Variants in ZNF804B observed in about 807,000 individuals in gnomAD.
ZNF804B encodes zinc finger protein 804B, also known as zinc finger 804B.
In ZNF804B, 80 loss-of-function variants were observed where a neutral mutation model predicts 101.4. The observed-to-expected ratio is 0.79, with a 90% CI of 0.66 to 0.95. The LOEUF is 0.95. Among genes scored for constraint, ZNF804B ranks in the 40% least tolerant of loss-of-function variants. The pLI is 0.00. For synonymous variants in ZNF804B, 622 were observed against 558.8 expected, an observed-to-expected ratio of 1.11 and a Z score of -1.59; for missense variants, 1,673 against 1,561.9, an observed-to-expected ratio of 1.07 and a Z score of -1.20.
chr7:89,095,298 C>T (rs974721900), intron 1 of ZNF804B, among the ~76,000 whole-genome samples: 7 of 152,142 alleles, frequency 4.6e-5, no homozygotes, highest in Admixed American at 1.3e-4. Context: ...AGAGAGCAGC[C>T]CTTGCCAGAC....
intron 1 of ZNF804B, among the ~76,000 whole-genome samples, chr7:88,935,512 C>T (rs1350410957): frequency 1.3e-5 from 2 of 151,536 alleles, no homozygotes; most frequent in East Asian, 3.9e-4. Flanking sequence ...GGTGAGACCT[C>T]ACTCTATTTA....
At chr7:88,980,356 A>ATAC (rs1221495421) in intron 1 of ZNF804B, among the ~76,000 whole-genome samples, 1 of 151,952 alleles carries the variant, frequency 6.6e-6, no homozygotes, top group African/African-American at 2.4e-5. Context: ...GATGGTCTTG[A>ATAC]TACTTGTGGA....
chr7:88,785,157 G>A lies in ZNF804B; in HGVS notation c.108+25073G>A, dbSNP rs146463266. 1.9e-3 allele frequency among the ~76,000 whole-genome samples: 296 copies of A among 152,154 alleles called. 1 individual carries two copies. Among genetic ancestry groups the A allele is most frequent in the African/African-American group, 6.9e-3 (285 of 41,530 alleles). On this transcript the variant is annotated intron_variant, in intron 1 of 3. Transcript: ENST00000333190. ...ATGATTCTCAGACACCTCAAATTCG[G>A]CATGTTCAAAACGACAAACCTCATC...
At chr7:89,271,660 G>T (rs1038808321) in intron 2 of ZNF804B, among the ~76,000 whole-genome samples, 1 of 152,110 alleles carries the variant, frequency 6.6e-6, no homozygotes, top group Non-Finnish European at 1.5e-5. Context: ...GCTCCTCTTT[G>T]TACCTCTGGT....
rs747890840 is a variant in ZNF804B at position 89,333,750 on chromosome 7, A to T, written c.768A>T (p.Thr256=). The T allele has an allele frequency of 9.3e-6, 15 of 1,613,628 alleles. No homozygotes were observed. The South Asian group carries it at 9.9e-5, about 11-fold the overall frequency. ...HDCNKSPIYK[T]KQTADKCKCC... ...GTAACAAGTCACCCATTTATAAAAC[A>T]AAACAAACTGCAGATAAGTGCAAGT... Residue 256 remains threonine, a synonymous_variant, in exon 4 of 4, where the codon ACA becomes ACT. Transcript: ENST00000333190.
intron 1 of ZNF804B, among the ~76,000 whole-genome samples, chr7:88,932,049 T>C (rs1397345907): frequency 1.3e-5 from 2 of 151,468 alleles, no homozygotes; most frequent in Non-Finnish European, 3.0e-5. Flanking sequence ...TAAATGCATC[T>C]AATGTAGGTT....
At chr7:89,262,491 A>G (rs895063584) in intron 2 of ZNF804B, among the ~76,000 whole-genome samples, 5 of 152,214 alleles carry the variant, frequency 3.3e-5, no homozygotes, top group Non-Finnish European at 7.3e-5. Flanking sequence ...AAGTAAATGA[A>G]TATATGTAAA....
chr7:89,196,761 C>T (rs558000548), intron 1 of ZNF804B, among the ~76,000 whole-genome samples: 1 of 151,990 alleles, frequency 6.6e-6, no homozygotes, highest in South Asian at 2.1e-4. Flanking sequence ...CTACAAGGAA[C>T]TTAAACAAAA....
chr7:89,052,524 A>G (rs1456758421), intron 1 of ZNF804B, among the ~76,000 whole-genome samples: 2 of 152,172 alleles, frequency 1.3e-5, no homozygotes, highest in Non-Finnish European at 2.9e-5. Flanking sequence ...ATTGAACATT[A>G]CAATTTAAAA....
chr7:89,215,148 G>A (rs1788870689), intron 1 of ZNF804B, among the ~76,000 whole-genome samples: 1 of 152,176 alleles, frequency 6.6e-6, no homozygotes, highest in South Asian at 2.1e-4. Context: ...TTAGAGGTAA[G>A]AAAGATAAGA....
At chr7:88,879,202 CAA>C (rs1159178371) in intron 1 of ZNF804B, among the ~76,000 whole-genome samples, 1 of 152,092 alleles carries the variant, frequency 6.6e-6, no homozygotes, top group Non-Finnish European at 1.5e-5. Flanking sequence ...CTCGTTTGAG[CAA>C]AGTTAATGAC....
intron 1 of ZNF804B, among the ~76,000 whole-genome samples, chr7:88,885,708 A>C (rs1316260889): frequency 2.0e-5 from 3 of 151,046 alleles, no homozygotes; most frequent in Admixed American, 6.6e-5. Context: ...TTTACTTTTC[A>C]TAGTTTTCTT....
intron 3 of ZNF804B, 40 bp downstream of exon 3, chr7:89,327,514 T>C: frequency 6.3e-7 from 1 of 1,589,584 alleles, no homozygotes; most frequent in South Asian, 1.2e-5. Flanking sequence ...AAAACTCTCG[T>C]CAACCTATGG....
At chr7:88,975,640 G>A (rs1166597505) in intron 1 of ZNF804B, among the ~76,000 whole-genome samples, 1 of 151,348 alleles carries the variant, frequency 6.6e-6, no homozygotes, top group Non-Finnish European at 1.5e-5. Context: ...TTCTCATTGA[G>A]TTGTTTGAAC....
chr7:88,926,259 C>A (rs1335520715), intron 1 of ZNF804B, among the ~76,000 whole-genome samples: 1 of 151,974 alleles, frequency 6.6e-6, no homozygotes. Flanking sequence ...AAATCCTAGG[C>A]AGACATGTTT....
intron 2 of ZNF804B, among the ~76,000 whole-genome samples, chr7:89,263,153 G>A (rs1166751308): frequency 2.0e-5 from 3 of 152,112 alleles, no homozygotes; most frequent in South Asian, 2.1e-4. Flanking sequence ...TTATGCCTCC[G>A]TCTTCCTGAC....
Position 89,334,755 on chromosome 7 carries a change from T to C in ZNF804B, c.1773T>C (p.Cys591=). The change falls in exon 4 of 4, where the codon TGT becomes TGC. Residue 591 remains cysteine, a synonymous_variant. Coordinates refer to ENST00000333190, the MANE Select transcript of ZNF804B (RefSeq NM_181646.5). ...ACCTCAACACATCTCTAAAGGATTG[T>C]GCTGGAAAGAATAATAGTAGTGAGA... ...PLYLNTSLKD[C]AGKNNSSENK... is the part of the protein sequence containing the mutation. The C allele has an allele frequency of 6.2e-7, 1 of 1,613,816 alleles. No homozygotes were observed. Among genetic ancestry groups the C allele is most frequent in the East Asian group, 2.2e-5 (1 of 44,864 alleles).
intron 2 of ZNF804B, among the ~76,000 whole-genome samples, chr7:89,308,080 GA>G (rs1347125138): frequency 1.3e-5 from 2 of 151,958 alleles, no homozygotes; most frequent in African/African-American, 2.4e-5. Context: ...TCACTTGCAA[GA>G]AAAAAAGTGA....
At chr7:89,138,410 T>G (rs1002257036) in intron 1 of ZNF804B, among the ~76,000 whole-genome samples, 4 of 152,122 alleles carry the variant, frequency 2.6e-5, no homozygotes, top group African/African-American at 9.7e-5. Flanking sequence ...AGGAAGTAAC[T>G]TACTTGCTTT....
Sources: gnomAD v4.1 joint callset for allele counts (sites outside exome capture counted in the v4.1 genomes callset) on GRCh38, gnomAD v4.1.1 for gene constraint, MANE v1.5 for transcripts, NCBI Gene and HGNC (gene_info 2026-07-23, HGNC 2026-07-21) for gene names.